NR4A3: variants seen among roughly 807,000 people sequenced by gnomAD.
NR4A3 encodes the protein chondrosarcoma, extraskeletal myxoid, fused to EWS.
A neutral mutation model predicts 55.6 loss-of-function variants in NR4A3; 13 were observed. The ratio of observed to expected loss-of-function variants is 0.23; its 90% confidence interval spans 0.15 to 0.37. The LOEUF is 0.37. Ranked by LOEUF, NR4A3 falls within the 10% of genes least tolerant of loss-of-function variation. The pLI is 1.00. For synonymous variants in NR4A3, 342 were observed against 357.9 expected (o/e 0.96, Z 0.50); for missense variants, 646 against 822.8 (o/e 0.79, Z 2.63).
chr9:99,831,252 GTGTTAGAAATTAC>G (rs778513782), intron 3 of NR4A3, among the ~76,000 whole-genome samples: 26 of 152,282 alleles, frequency 1.7e-4, no homozygotes, highest in Non-Finnish European at 3.4e-4. Context: ...AAGAAATAGA[GTGTTAGAAATTAC>G]TGCATGTTCA....
At chr9:99,835,605 A>C (rs925682554) in intron 5 of NR4A3, among the ~76,000 whole-genome samples, 1 of 152,216 alleles carries the variant, frequency 6.6e-6, no homozygotes, top group Non-Finnish European at 1.5e-5. Context: ...ATTTGAAAGC[A>C]CAATAGATGG....
chr9:99,824,922 G>T (rs1483211792), intron 1 of NR4A3, among the ~76,000 whole-genome samples: 1 of 152,178 alleles, frequency 6.6e-6, no homozygotes, highest in Non-Finnish European at 1.5e-5. Flanking sequence ...GCCCACCCTC[G>T]AAGACACCGC....
At chr9:99,832,586 G>A (rs536205547) in intron 3 of NR4A3, 103 bp from the exon 4 acceptor site, 15 of 974,702 alleles carry the variant, frequency 1.5e-5, no homozygotes, top group South Asian at 1.0e-4. Flanking sequence ...CGAATTATAC[G>A]AATTGCACTG....
At position 99,863,923 on chromosome 9, in the gene NR4A3, G is replaced by A; in HGVS notation, c.*56G>A. On this transcript the variant is annotated 3_prime_UTR_variant, in exon 8 of 8. Transcript: ENST00000395097. ...TCTCCTAGCACCTGCTTGCTACGCA[G>A]CAAAGGGATAGGTTTGGAAACCTAT... 1.3e-6 allele frequency: 2 copies of A among 1,558,688 alleles called. No homozygotes were observed. The highest frequency in any genetic ancestry group is 1.2e-5 in the South Asian group (1 of 82,686).
At chr9:99,860,599 T>A (rs912288241) in intron 7 of NR4A3, among the ~76,000 whole-genome samples, 10 of 152,156 alleles carry the variant, frequency 6.6e-5, no homozygotes, top group East Asian at 3.9e-4. Context: ...TCTCTTAAAA[T>A]TCATTCTCTT....
intron 7 of NR4A3, among the ~76,000 whole-genome samples, chr9:99,860,521 T>C (rs139847242): frequency 1.4e-3 from 207 of 152,300 alleles, no homozygotes; most frequent in African/African-American, 4.5e-3. Flanking sequence ...TACTGCCAAA[T>C]TTACAGCCTG....
In NR4A3 at chr9:99,825,634, A is replaced by T. The variant is rs902788687; in HGVS notation, c.-176-25A>T. On this transcript the variant is annotated intron_variant, in intron 1 of 7. Coordinates refer to ENST00000395097, the MANE Select transcript of NR4A3 (RefSeq NM_006981.4). This position sits in a 1 kb window ranked among gnomAD's most constrained non-coding sequence, Gnocchi z 5.0. ...ACCCATCCTGGTCTCACTGTGACCT[A>T]TGTCCTCTTTCACCTTGCCTGTAGA... is the stretch of plus-strand genomic sequence containing the variant. 1 of 154,526 alleles carries T rather than the reference A, an allele frequency of 6.5e-6. No homozygotes were observed. Among genetic ancestry groups the T allele is most frequent in the Non-Finnish European group, 1.4e-5 (1 of 69,184 alleles). The allele number at this position is 154,526 out of a possible 1,614,324, so 9.6% of individuals were successfully genotyped here.
rs141424292 is a variant in NR4A3, at chr9:99,858,633, C to G, written c.1634-4987C>G. 3.9e-5 allele frequency among the ~76,000 whole-genome samples: 6 copies of G among 152,328 alleles called. No homozygotes were observed. The East Asian group carries it at 1.2e-3, about 29-fold the overall frequency. On this transcript the variant is annotated intron_variant, in intron 7 of 7. Transcript: ENST00000395097. ...TCATCTCAGGACGAGGAGAAACTTTCTAACAATTAGAGATGTCCAGAGATG... is the reference window on the plus strand; with the variant it reads ...TCATCTCAGGACGAGGAGAAACTTTGTAACAATTAGAGATGTCCAGAGATG...
intron 5 of NR4A3, among the ~76,000 whole-genome samples, chr9:99,841,564 C>A (rs763424139): frequency 7.2e-5 from 11 of 152,164 alleles, no homozygotes; most frequent in Non-Finnish European, 1.5e-4. Context: ...ATTTGTTAAT[C>A]ATGTACTATA....
intron 5 of NR4A3, among the ~76,000 whole-genome samples, chr9:99,834,485 GAAAACA>G (rs756738074): frequency 1.9e-4 from 29 of 151,972 alleles, no homozygotes; most frequent in African/African-American, 4.8e-4. Context: ...CTACTTGAAG[GAAAACA>G]AAAACAAAAA....
At chr9:99,849,195 T>C (rs929501390) in intron 7 of NR4A3, among the ~76,000 whole-genome samples, 8 of 152,224 alleles carry the variant, frequency 5.3e-5, no homozygotes, top group African/African-American at 1.7e-4. Context: ...TAGATGTGTC[T>C]GTGCCTTAAG....
rs1433263371 is a variant in NR4A3 at position 99,864,709 on chromosome 9, G to A, written c.*842G>A. On this transcript the variant is annotated 3_prime_UTR_variant, in exon 8 of 8. Transcript: ENST00000395097. Reference sequence around the variant, plus strand: ...GTCCAGCTATCCTGAAAGTGGATCAGATTATAAACTGGATTACATGTAACT... The same window carrying A: ...GTCCAGCTATCCTGAAAGTGGATCAAATTATAAACTGGATTACATGTAACT... 1.8e-5 allele frequency: 4 copies of A among 226,260 alleles called. No individual in the cohort carries two copies. Among genetic ancestry groups the A allele is most frequent in the Non-Finnish European group, 3.5e-5 (4 of 113,478 alleles). The allele number at this position is 226,260 out of a possible 1,614,324, so 14.0% of individuals were successfully genotyped here. A position where few individuals can be genotyped will look rare whatever the true frequency, so the allele number is the denominator to read the frequency against.
At chr9:99,846,433 A>G (rs1215126386) in intron 6 of NR4A3, among the ~76,000 whole-genome samples, 1 of 152,192 alleles carries the variant, frequency 6.6e-6, no homozygotes, top group Non-Finnish European at 1.5e-5. Context: ...GCCACACCCC[A>G]AGTCATCATG....
chr9:99,829,055 T>A (rs1180326826), intron 3 of NR4A3, 62 bp downstream of exon 3: 2 of 1,295,310 alleles, frequency 1.5e-6, no homozygotes, highest in Non-Finnish European at 2.0e-6. Flanking sequence ...AGCTTCTAAG[T>A]GAGTGTAGGA....
Position 99,844,844 on chromosome 9 carries a change from A to G in NR4A3, c.1450A>G (p.Ile484Val). The G allele has an allele frequency of 6.2e-7, 1 of 1,611,980 alleles. No homozygotes were observed. The highest frequency in any genetic ancestry group is 8.5e-7 in the Non-Finnish European group (1 of 1,178,022). ...GGAGCTGTTTGTCCTCAGACTTTCC[A>G]TCAGGTAATTACTACTATTTTATCT... is the stretch of plus-strand genomic sequence containing the variant. ...FLELFVLRLS[I>V]RSNTAEDKFV... Residue 484 changes from isoleucine (I) to valine (V), a missense_variant, in exon 6 of 8, where the codon ATC becomes GTC. Physicochemically the swap from Ile to Val is conservative, Grantham distance 29. Transcript: ENST00000395097.
chr9:99,851,520 T>C (rs536939075), intron 7 of NR4A3, among the ~76,000 whole-genome samples: 88 of 152,342 alleles, frequency 5.8e-4, no homozygotes, highest in African/African-American at 2.0e-3. Context: ...TTAGTATTGG[T>C]GGTTTGCACA....
At chr9:99,826,307 G>A (rs1391449488) in intron 2 of NR4A3, among the ~76,000 whole-genome samples, 1 of 152,132 alleles carries the variant, frequency 6.6e-6, no homozygotes, top group Non-Finnish European at 1.5e-5. Flanking sequence ...ATTTGAGTTT[G>A]GCAAAAGAAC....
At chr9:99,835,878 T>C (rs1452193979) in intron 5 of NR4A3, among the ~76,000 whole-genome samples, 1 of 152,212 alleles carries the variant, frequency 6.6e-6, no homozygotes, top group Non-Finnish European at 1.5e-5. Flanking sequence ...AAATAGCAGA[T>C]TGACCATGCC....
At chr9:99,837,490 C>T (rs1393094055) in intron 5 of NR4A3, among the ~76,000 whole-genome samples, 2 of 152,066 alleles carry the variant, frequency 1.3e-5, no homozygotes, top group African/African-American at 2.4e-5. Flanking sequence ...CATACTGTCA[C>T]TTCTATTTAA....
Sources: allele counts gnomAD v4.1 joint callset (sites outside exome capture counted in the v4.1 genomes callset), GRCh38; gene constraint gnomAD v4.1.1; non-coding constraint Gnocchi (gnomAD v3.1); transcripts MANE v1.5; gene names NCBI Gene and HGNC (gene_info 2026-07-23, HGNC 2026-07-21).